Variants in RGS7 observed in about 807,000 individuals in gnomAD.
The protein encoded by RGS7 is regulator of G-protein signaling 7.
A neutral mutation model predicts 81.1 loss-of-function variants in RGS7; 27 were observed. That is an observed-to-expected ratio of 0.33 (90% CI 0.25 to 0.46). The LOEUF is 0.46. RGS7 is among the 20% of genes least tolerant of loss of function. RGS7 has a pLI of 1.00. For synonymous variants in RGS7, 208 were observed against 207.7 expected, an observed-to-expected ratio of 1.00 and a Z score of -0.01; for missense variants, 396 against 607.4, an observed-to-expected ratio of 0.65 and a Z score of 3.66.
chr1:240,969,369 G>A (rs562536342), intron 4 of RGS7, among the ~76,000 whole-genome samples: 1 of 152,304 alleles, frequency 6.6e-6, no homozygotes, highest in Non-Finnish European at 1.5e-5. Flanking sequence ...GGACAATTGT[G>A]CATCGTCCAT....
At chr1:240,954,632 A>G (rs1301691441) in intron 4 of RGS7, among the ~76,000 whole-genome samples, 1 of 152,098 alleles carries the variant, frequency 6.6e-6, no homozygotes, top group Non-Finnish European at 1.5e-5. Flanking sequence ...CAAAAATACT[A>G]CAGCTAACAT....
At chr1:240,931,739 G>A (rs995970973) in intron 5 of RGS7, among the ~76,000 whole-genome samples, 1 of 151,986 alleles carries the variant, frequency 6.6e-6, no homozygotes, top group African/African-American at 2.4e-5. Context: ...TCTGCAATAG[G>A]CAGAATCCAG....
At chr1:241,191,106 C>T (rs2072616900) in intron 2 of RGS7, among the ~76,000 whole-genome samples, 1 of 152,036 alleles carries the variant, frequency 6.6e-6, no homozygotes, top group Non-Finnish European at 1.5e-5. Context: ...CTCAGCCTCC[C>T]AAGTAGCTGG....
At chr1:240,799,283 ATGTT>A (rs1687625604) in intron 18 of RGS7, among the ~76,000 whole-genome samples, 1 of 118,464 alleles carries the variant, frequency 8.4e-6, no homozygotes, top group East Asian at 2.6e-4. Flanking sequence ...GTGTGTGTCT[ATGTT>A]TGTGTGTGTG....
At chr1:241,351,727 A>G (rs1322890253) in intron 2 of RGS7, among the ~76,000 whole-genome samples, 1 of 152,210 alleles carries the variant, frequency 6.6e-6, no homozygotes, top group African/African-American at 2.4e-5. Context: ...GAGAATGGGC[A>G]TAGGAGAAAG....
intron 2 of RGS7, among the ~76,000 whole-genome samples, chr1:241,315,858 T>C (rs548789257): frequency 4.6e-5 from 7 of 152,350 alleles, no homozygotes; most frequent in Admixed American, 2.0e-4. Flanking sequence ...CTTCATTATG[T>C]TGAAGTAAAT....
chr1:241,174,895 G>GTTTTTTTTTTT (rs551122102), intron 2 of RGS7, among the ~76,000 whole-genome samples: 22 of 69,234 alleles, frequency 3.2e-4, no homozygotes, highest in Non-Finnish European at 3.9e-4. Context: ...ACAGAATTTT[G>GTTTTTTTTTTT]TTTTTTTTTT....
chr1:241,148,433 G>A (rs893322315), intron 2 of RGS7, among the ~76,000 whole-genome samples: 7 of 152,144 alleles, frequency 4.6e-5, no homozygotes, highest in Non-Finnish European at 8.8e-5. Flanking sequence ...GGATAAGTTA[G>A]AAACCCTTTT....
chr1:241,025,188 T>G (rs1288516988), intron 3 of RGS7, among the ~76,000 whole-genome samples: 1 of 152,164 alleles, frequency 6.6e-6, no homozygotes, highest in Non-Finnish European at 1.5e-5. Context: ...GGATACTAGC[T>G]TTCAAGGAAA....
chr1:241,185,956 GA>G (rs1270402179), intron 2 of RGS7, among the ~76,000 whole-genome samples: 1 of 151,828 alleles, frequency 6.6e-6, no homozygotes, highest in Non-Finnish European at 1.5e-5. Flanking sequence ...CAGAAGGAAA[GA>G]AATAACGAAG....
In RGS7 at chr1:240,853,728, C is replaced by T. The variant is rs546223045; in HGVS notation, c.609+14859G>A. Among the ~76,000 whole-genome samples the T allele has an allele frequency of 2.0e-5, 3 of 151,870 alleles. No individual in the cohort carries two copies. The Middle Eastern group carries it at 0.01, about 517-fold the overall frequency. ...CCATACGGGCTAACACGGTGAAACC[C>T]CGTCTCTACTAAAAATACAAAAAAT... On this transcript the variant is annotated intron_variant, in intron 9 of 18. Coordinates refer to ENST00000440928, the MANE Select transcript of RGS7 (RefSeq NM_001364886.1).
chr1:241,063,015 C>T (rs2061829117), intron 3 of RGS7, among the ~76,000 whole-genome samples: 2 of 152,158 alleles, frequency 1.3e-5, no homozygotes, highest in African/African-American at 4.8e-5. Context: ...CACACACACA[C>T]GGATATAAGT....
chr1:241,248,162 CT>C (rs2076643174), intron 2 of RGS7, among the ~76,000 whole-genome samples: 1 of 151,942 alleles, frequency 6.6e-6, no homozygotes, highest in African/African-American at 2.4e-5. Flanking sequence ...CTTTTTATGT[CT>C]AATAAGACTT....
chr1:241,271,486 C>T lies in RGS7; in HGVS notation c.78+84213G>A, dbSNP rs554904529. On this transcript the variant is annotated intron_variant, in intron 2 of 18. Transcript: ENST00000440928. The surrounding 1 kb of genome is among the most constrained non-coding windows in gnomAD (Gnocchi z 4.6). ...CAGGATTCCTCCAACACTTCTGTGA[C>T]GGTTCATTTTACATGTCAACTTGAC... is the stretch of plus-strand genomic sequence containing the variant. Among the ~76,000 whole-genome samples the T allele has an allele frequency of 2.8e-4, 42 of 152,324 alleles. No homozygotes were observed. Among genetic ancestry groups the T allele is most frequent in the African/African-American group, 2.9e-4 (12 of 41,580 alleles).
chr1:241,268,281 C>T (rs1264841879), intron 2 of RGS7, among the ~76,000 whole-genome samples: 3 of 152,212 alleles, frequency 2.0e-5, no homozygotes, highest in Non-Finnish European at 4.4e-5. Context: ...CTCCTGCATT[C>T]AGCCCTGTCT....
rs75876354 is a variant in RGS7, at chr1:240,845,516, T to C, written c.610-18344A>G. 9.2e-3 allele frequency among the ~76,000 whole-genome samples: 1,408 copies of C among 152,314 alleles called. 22 individuals carry two copies. Among genetic ancestry groups the C allele is most frequent in the African/African-American group, 0.031 (1,297 of 41,552 alleles). The stretch of plus-strand genomic sequence containing the variant: ...ATGCAATAGAGATCACATGGGGTTT[T>C]GGAGAAAATGCTAGGTTTTCAGTCA... On this transcript the variant is annotated intron_variant, in intron 9 of 18. Transcript: ENST00000440928.
At chr1:241,090,477 C>CTG (rs980530585) in intron 3 of RGS7, among the ~76,000 whole-genome samples, 3 of 151,968 alleles carry the variant, frequency 2.0e-5, no homozygotes, top group African/African-American at 4.8e-5. Flanking sequence ...GTTGAATTTA[C>CTG]TGGAGTTCAG....
In RGS7 at chr1:241,159,361, C is replaced by T. The variant is rs184800507; in HGVS notation, c.79-60599G>A. ...CCATGTTTTCATTATCTCCATGTCC[C>T]TTTTATGTGTTGTTCTTTCTACAAA... On this transcript the variant is annotated intron_variant, in intron 2 of 18. Coordinates refer to ENST00000440928, the MANE Select transcript of RGS7 (RefSeq NM_001364886.1). Among the ~76,000 whole-genome samples the T allele has an allele frequency of 1.1e-3, 173 of 152,264 alleles. 2 individuals carry two copies. Among genetic ancestry groups the T allele is most frequent in the African/African-American group, 4.0e-3 (168 of 41,544 alleles).
intron 3 of RGS7, among the ~76,000 whole-genome samples, chr1:241,083,253 A>AAACAAAAC (rs2063247037): frequency 9.9e-6 from 1 of 100,596 alleles, no homozygotes; most frequent in East Asian, 2.7e-4. Context: ...AAAAAGAAAA[A>AAACAAAAC]GAAACAAAAC....
Sources: gnomAD v4.1 joint callset for allele counts (sites outside exome capture counted in the v4.1 genomes callset) on GRCh38, gnomAD v4.1.1 for gene constraint, Gnocchi (gnomAD v3.1) non-coding constraint, MANE v1.5 for transcripts, NCBI Gene and HGNC (gene_info 2026-07-23, HGNC 2026-07-21) for gene names.